COL6A3: variants seen among roughly 807,000 people sequenced by gnomAD.
The protein encoded by COL6A3 is collagen alpha-3(VI) chain.
In COL6A3, 137 loss-of-function variants were observed where a neutral mutation model predicts 274.1. The ratio of observed to expected loss-of-function variants is 0.50; its 90% confidence interval spans 0.44 to 0.58. The LOEUF (loss-of-function observed/expected upper bound fraction) is 0.58, where lower values mean the gene tolerates loss of function less well. COL6A3 is among the 20% of genes least tolerant of loss of function. The pLI is 0.00. For synonymous variants in COL6A3, 1,650 were observed against 1,650.6 expected (o/e 1.00, Z 0.01); for missense variants, 3,950 against 4,124.9 (o/e 0.96, Z 1.16).
At position 237,354,879 on chromosome 2, in the gene COL6A3, G is replaced by A. The variant is rs375965073; in HGVS notation, c.6627+20C>T. On this transcript the variant is annotated intron_variant, in intron 24 of 43. Transcript: ENST00000295550. The stretch of plus-strand genomic sequence containing the variant: ...GGGCTGTTTGAAGAGAGTCTCCAGG[G>A]GGCACTGCATGAGGCTCACCTTAGC... 5 of 1,611,826 alleles carry A rather than the reference G, an allele frequency of 3.1e-6. No homozygotes were observed. The highest frequency in any genetic ancestry group is 4.2e-6 in the Non-Finnish European group (5 of 1,178,678).
rs1383753136 is a variant in COL6A3 at position 237,348,819 on chromosome 2, C to T, written c.6880-156G>A. On this transcript the variant is annotated intron_variant, in intron 28 of 43. Coordinates refer to ENST00000295550, the MANE Select transcript of COL6A3 (RefSeq NM_004369.4). ...AGTAGGCACACTTCCTGCTCCTGTC[C>T]TATCTTCCAAGTGTGAACAAGACCA... is the stretch of plus-strand genomic sequence containing the variant. 5.9e-5 allele frequency among the ~76,000 whole-genome samples: 9 copies of T among 152,144 alleles called. No individual in the cohort carries two copies. The East Asian group carries it at 1.7e-3, about 29-fold the overall frequency.
At chr2:237,366,431 T>C (rs1414986892) in intron 11 of COL6A3, among the ~76,000 whole-genome samples, 1 of 152,182 alleles carries the variant, frequency 6.6e-6, no homozygotes, top group Middle Eastern at 3.2e-3. Flanking sequence ...AAATCTGAAT[T>C]GTTTGAGGGA....
At position 237,366,884 on chromosome 2, in the gene COL6A3, T is replaced by G; in HGVS notation, c.5303A>C (p.Gln1768Pro). ...DAQDVSLALTQRGVKVFAVGV... is the reference protein window; with the variant it reads ...DAQDVSLALTPRGVKVFAVGV... Reference sequence around the variant, plus strand: ...AACAGCAAACACTTTGACCCCCCTCTGGGTGAGGGCCAGGCTCACATCCTG... The same window carrying G: ...AACAGCAAACACTTTGACCCCCCTCGGGGTGAGGGCCAGGCTCACATCCTG... The change falls in exon 11 of 44, where the codon CAG becomes CCG. Residue 1768 changes from glutamine to proline, a missense_variant. By Grantham distance (76) the Gln-to-Pro change is moderately conservative (BLOSUM62 -1). This residue lies in a region of COL6A3 where 632 missense variants were observed against 623.4 expected (regional missense o/e 1.01). Transcript: ENST00000295550. The G allele has an allele frequency of 1.2e-6, 2 of 1,614,228 alleles. No individual in the cohort carries two copies. The highest frequency in any genetic ancestry group is 1.7e-6 in the Non-Finnish European group (2 of 1,180,028).
rs781387113 is a variant in COL6A3 at position 237,363,242 on chromosome 2, A to C, written c.6063+11T>G. On this transcript the variant is annotated intron_variant, in intron 14 of 43. Transcript: ENST00000295550. ...CACTGGTCTGTGTATAAAGACATAA[A>C]AAAAACTCACAAGCTGCTCCGCTAG... 1 of 1,613,838 alleles carries C rather than the reference A, an allele frequency of 6.2e-7. No individual in the cohort carries two copies. Among genetic ancestry groups the C allele is most frequent in the Non-Finnish European group, 8.5e-7 (1 of 1,179,986 alleles).
At chr2:237,356,636 C>G (rs956130865) in intron 23 of COL6A3, among the ~76,000 whole-genome samples, 16 of 152,290 alleles carry the variant, frequency 1.1e-4, no homozygotes, top group African/African-American at 3.9e-4. Flanking sequence ...GAGCAGAGAC[C>G]TCCCCTAGGC....
At chr2:237,404,226 CA>C (rs1316128537) in intron 1 of COL6A3, among the ~76,000 whole-genome samples, 2 of 151,922 alleles carry the variant, frequency 1.3e-5, no homozygotes, top group African/African-American at 4.8e-5. Flanking sequence ...TCAACAGATT[CA>C]AAGAGTCTAT....
intron 40 of COL6A3, among the ~76,000 whole-genome samples, chr2:237,335,183 C>G (rs1181562697): frequency 2.0e-5 from 3 of 152,090 alleles, no homozygotes; most frequent in Non-Finnish European, 4.4e-5. Context: ...GCATACTAAT[C>G]CTAAGTTGTG....
In COL6A3 at chr2:237,374,854, C is replaced by G. The variant is rs1213316159; in HGVS notation, c.3237G>C (p.Glu1079Asp). The stretch of plus-strand genomic sequence containing the variant: ...TGTTCATGTATGAATTCAGGTAGAA[C>G]TCGGGCCTGGTCCGGTCGCTGTACT... ...VVQYSDRTRPEFYLNSYMNKQ... is the reference protein window; with the variant it reads ...VVQYSDRTRPDFYLNSYMNKQ... The change falls in exon 8 of 44, where the codon GAG becomes GAC. Residue 1079 changes from glutamate to aspartate, a missense_variant. Glu to Asp is a conservative substitution (Grantham distance 45). Around this residue, in one of 5 missense-constraint regions of COL6A3, gnomAD observed 1,934 missense variants for 1,984.3 expected, o/e 0.97. Transcript: ENST00000295550. This position sits in a 1 kb window ranked among gnomAD's most constrained non-coding sequence, Gnocchi z 4.8. 1 of 1,614,040 alleles carries G rather than the reference C, an allele frequency of 6.2e-7. No individual in the cohort carries two copies. Among genetic ancestry groups the G allele is most frequent in the South Asian group, 1.1e-5 (1 of 91,080 alleles).
At chr2:237,357,633 C>G (rs1269185505) in intron 22 of COL6A3, among the ~76,000 whole-genome samples, 184 bp downstream of exon 22, 1 of 152,254 alleles carries the variant, frequency 6.6e-6, no homozygotes, top group Non-Finnish European at 1.5e-5. Context: ...AGAAGCCCCA[C>G]TTGGCAAGGG....
In COL6A3 at chr2:237,336,542, C is replaced by G; in HGVS notation, c.8568-10G>C. 4 of 1,613,562 alleles carry G rather than the reference C, an allele frequency of 2.5e-6. No homozygotes were observed. The highest frequency in any genetic ancestry group is 3.4e-6 in the Non-Finnish European group (4 of 1,179,480). ...GTTATTCGGAACATTTCTGTTAAGA[C>G]AAATTAAATATTACCTCTACTTTTA... On this transcript the variant is annotated splice_polypyrimidine_tract_variant and intron_variant, in intron 39 of 43. Coordinates refer to ENST00000295550, the MANE Select transcript of COL6A3 (RefSeq NM_004369.4).
intron 1 of COL6A3, among the ~76,000 whole-genome samples, chr2:237,401,297 A>G (rs1386033728): frequency 6.6e-6 from 1 of 152,244 alleles, no homozygotes; most frequent in Non-Finnish European, 1.5e-5. Flanking sequence ...ACCCATGTTC[A>G]TTTCAGCATT....
In COL6A3 at chr2:237,336,099, G is replaced by A. The variant is rs1416507592; in HGVS notation, c.8965+36C>T. The stretch of plus-strand genomic sequence containing the variant: ...ACACCCTGGAGCAGGAAATGAGGAT[G>A]TCACAAGATGGCAGCCCTAGCAAGG... On this transcript the variant is annotated intron_variant, in intron 40 of 43. Transcript: ENST00000295550. The A allele has an allele frequency of 2.5e-6, 4 of 1,612,088 alleles. No individual in the cohort carries two copies. The South Asian group carries it at 4.4e-5, about 18-fold the overall frequency.
At chr2:237,377,966 G>T (rs769995531) in intron 6 of COL6A3, among the ~76,000 whole-genome samples, 1 of 152,194 alleles carries the variant, frequency 6.6e-6, no homozygotes, top group Non-Finnish European at 1.5e-5. Flanking sequence ...CTATGGCACC[G>T]CAATGTGTAA....
chr2:237,359,070 C>T lies in COL6A3; in HGVS notation c.6373G>A (p.Gly2125Ser). 1 of 1,614,176 alleles carries T rather than the reference C, an allele frequency of 6.2e-7. No homozygotes were observed. Among genetic ancestry groups the T allele is most frequent in the Non-Finnish European group, 8.5e-7 (1 of 1,179,996 alleles). ...DGEDGDKGLPGSSGEKGNPGR... is the reference protein window; with the variant it reads ...DGEDGDKGLPSSSGEKGNPGR... ...GGATTCCCTTTCTCTCCAGAAGAAC[C>T]AGGCAATCCTTTGTCTCCCTGCCAA... Residue 2125 changes from glycine to serine, a missense_variant, in exon 20 of 44, where the codon GGT (glycine) becomes AGT (serine). This residue lies in a region of COL6A3 where 92 missense variants were observed against 143.4 expected (regional missense o/e 0.64). Coordinates refer to ENST00000295550, the MANE Select transcript of COL6A3 (RefSeq NM_004369.4).
intron 42 of COL6A3, among the ~76,000 whole-genome samples, chr2:237,331,012 G>A (rs537248001): frequency 3.3e-5 from 5 of 152,236 alleles, no homozygotes; most frequent in Admixed American, 3.3e-4. Context: ...GCAAACAGTA[G>A]CATCTACTAT....
At chr2:237,410,356 A>C (rs2078827333) in intron 1 of COL6A3, among the ~76,000 whole-genome samples, 2 of 150,328 alleles carry the variant, frequency 1.3e-5, no homozygotes, top group Non-Finnish European at 2.9e-5. Context: ...CAGGCGCTGA[A>C]GTGCAGTGGC....
chr2:237,376,955 G>A lies in COL6A3; in HGVS notation c.2887C>T (p.Leu963=). ...SDRVDGPASN[L]KQSGVVPFIF... is the part of the protein sequence containing the mutation. Reference sequence around the variant, plus strand: ...AAAGGCACAACCCCACTCTGCTTCAGGTTACTTGCTGGCCCATCCACACGG... The same window carrying A: ...AAAGGCACAACCCCACTCTGCTTCAAGTTACTTGCTGGCCCATCCACACGG... Residue 963 remains leucine (L), a synonymous_variant, in exon 7 of 44, where the codon CTG becomes TTG. Coordinates refer to ENST00000295550, the MANE Select transcript of COL6A3 (RefSeq NM_004369.4). The A allele has an allele frequency of 6.2e-7, 1 of 1,614,212 alleles. No individual in the cohort carries two copies.
At chr2:237,369,299 T>C in intron 9 of COL6A3, 122 bp from the exon 10 acceptor site, 1 of 1,339,158 alleles carries the variant, frequency 7.5e-7, no homozygotes, top group East Asian at 2.5e-5. Flanking sequence ...ATGCCTGTGT[T>C]GTTTGTATCT....
At position 237,342,092 on chromosome 2, in the gene COL6A3, T is replaced by C; in HGVS notation, c.7738A>G (p.Asn2580Asp). 1 of 1,614,190 alleles carries C rather than the reference T, an allele frequency of 6.2e-7. No homozygotes were observed. Among genetic ancestry groups the C allele is most frequent in the South Asian group, 1.1e-5 (1 of 91,074 alleles). The change falls in exon 37 of 44, where the codon AAT becomes GAT. Residue 2580 changes from asparagine to aspartate, a missense_variant. Asn to Asp is a conservative substitution (Grantham distance 23, BLOSUM62 1). Coordinates refer to ENST00000295550, the MANE Select transcript of COL6A3 (RefSeq NM_004369.4). Reference protein sequence around the residue: ...AGRDLTDFLENVLTCHVCLDI... With the variant: ...AGRDLTDFLEDVLTCHVCLDI... ...AAGCAAACATGACACGTGAGGACAT[T>C]CTCCAGGAAGTCTGTGAGGTCTCTC...
Sources: gnomAD v4.1 joint callset for allele counts (sites outside exome capture counted in the v4.1 genomes callset) on GRCh38, gnomAD v4.1.1 for gene constraint, gnomAD v4.1.1 regional missense constraint, Gnocchi (gnomAD v3.1) non-coding constraint, MANE v1.5 for transcripts, NCBI Gene and HGNC (gene_info 2026-07-23, HGNC 2026-07-21) for gene names.